The following NCKAP5 variants were observed in gnomAD, a reference collection of about 807,000 sequenced individuals.
NCKAP5 encodes NCK associated protein 5, also known as nck-associated protein 5.
Under a neutral mutation model 167.0 loss-of-function variants are expected in NCKAP5, and 92 were observed. That is an observed-to-expected ratio of 0.55 (90% CI 0.47 to 0.66). The LOEUF is 0.66. Among genes scored for constraint, NCKAP5 ranks in the 30% least tolerant of loss-of-function variants. The pLI is 0.00. For synonymous variants in NCKAP5, 891 were observed against 877.4 expected, an observed-to-expected ratio of 1.02 and a Z score of -0.27; for missense variants, 2,378 against 2,315.0, an observed-to-expected ratio of 1.03 and a Z score of -0.56.
intron 2 of NCKAP5, among the ~76,000 whole-genome samples, chr2:133,540,665 GT>G (rs1212783739): frequency 6.6e-6 from 1 of 152,150 alleles, no homozygotes; most frequent in Non-Finnish European, 1.5e-5. Flanking sequence ...GCCAGGCACA[GT>G]GGCTCATACC....
At chr2:132,818,319 CTT>C (rs1686443859) in intron 11 of NCKAP5, among the ~76,000 whole-genome samples, 1 of 152,184 alleles carries the variant, frequency 6.6e-6, no homozygotes, top group South Asian at 2.1e-4. Context: ...TCTCTACAGA[CTT>C]ATAATTTTTA....
In NCKAP5 at chr2:132,694,103, T is replaced by TTTTTTTTATTTATTTA. The variant is rs1553473342; in HGVS notation, c.5714-20799_5714-20798insTAAATAAATAAAAAAA. Among the ~76,000 whole-genome samples the TTTTTTTTATTTATTTA allele has an allele frequency of 1.5e-3, 214 of 147,032 alleles. 1 individual carries two copies. The highest frequency in any genetic ancestry group is 3.5e-3 in the Middle Eastern group (1 of 284). Reference sequence around the variant, plus strand: ...GGAAAAGGAAGACAAGTTTTAAGTGTTTTATTTATTTATTTATTTATTTAT... The same window carrying TTTTTTTTATTTATTTA: ...GGAAAAGGAAGACAAGTTTTAAGTGTTTTTTTTATTTATTTATTTATTTATTTATTTATTTATTTAT... On this transcript the variant is annotated intron_variant, in intron 19 of 19. Transcript: ENST00000409261.
intron 5 of NCKAP5, among the ~76,000 whole-genome samples, chr2:133,138,496 A>C (rs1206405877): frequency 6.6e-6 from 1 of 152,194 alleles, no homozygotes; most frequent in Admixed American, 6.5e-5. Context: ...TTATATATTG[A>C]TCAACTTCTC....
intron 4 of NCKAP5, among the ~76,000 whole-genome samples, chr2:133,267,046 C>T (rs976468357): frequency 4.6e-5 from 7 of 151,826 alleles, no homozygotes; most frequent in Admixed American, 3.3e-4. Flanking sequence ...CTCAACCGAA[C>T]GGTTCTGACA....
chr2:133,250,867 C>T (rs2088281567), intron 4 of NCKAP5, among the ~76,000 whole-genome samples: 1 of 152,026 alleles, frequency 6.6e-6, no homozygotes, highest in South Asian at 2.1e-4. Context: ...GAGGTTGAGG[C>T]TGCAGTGAGC....
intron 6 of NCKAP5, among the ~76,000 whole-genome samples, chr2:133,102,079 G>A (rs1263163806): frequency 6.6e-6 from 1 of 152,122 alleles, no homozygotes; most frequent in Non-Finnish European, 1.5e-5. Flanking sequence ...GATTATAGGA[G>A]AAAGCATGAG....
At chr2:133,526,295 AGGAG>A (rs1684916565) in intron 2 of NCKAP5, among the ~76,000 whole-genome samples, 2 of 32,320 alleles carry the variant, frequency 6.2e-5, no homozygotes, top group African/African-American at 1.4e-4. Flanking sequence ...GAGGGAGGGA[AGGAG>A]GGAGGGAGGG....
At chr2:133,059,859 A>C (rs1218204066) in intron 6 of NCKAP5, among the ~76,000 whole-genome samples, 2 of 152,192 alleles carry the variant, frequency 1.3e-5, no homozygotes, top group Non-Finnish European at 2.9e-5. Context: ...AGTCTGGAAC[A>C]GAACCTGCAA....
At position 132,920,771 on chromosome 2, in the gene NCKAP5, GTATATATATATATATATATA is replaced by G. The variant is rs55895538; in HGVS notation, c.580-41875_580-41856del. Among the ~76,000 whole-genome samples, 226 of 31,576 alleles carry G rather than the reference GTATATATATATATATATATA, an allele frequency of 7.2e-3. 8 individuals carry two copies. The highest frequency in any genetic ancestry group is 0.022 in the African/African-American group (199 of 9,062). 20.7% of individuals were successfully genotyped at this position (31,576 alleles called of 152,430 possible). On this transcript the variant is annotated intron_variant, in intron 8 of 19. Coordinates refer to ENST00000409261, the MANE Select transcript of NCKAP5 (RefSeq NM_207363.3). ...TATATATATATGTATATATATGTAT[GTATATATATATATATATATA>G]TATATATATATATATATATATATAT...
intron 6 of NCKAP5, among the ~76,000 whole-genome samples, chr2:133,055,931 G>A (rs1269133556): frequency 6.6e-6 from 1 of 152,060 alleles, no homozygotes; most frequent in African/African-American, 2.4e-5. Context: ...TTAATTATGG[G>A]AACAATAAAT....
At chr2:133,176,092 A>C (rs973447280) in intron 5 of NCKAP5, among the ~76,000 whole-genome samples, 4 of 152,220 alleles carry the variant, frequency 2.6e-5, no homozygotes, top group Non-Finnish European at 5.9e-5. Context: ...TGGAGACCGC[A>C]TATCCAGCAT....
At chr2:133,391,542 G>A (rs922067950) in intron 3 of NCKAP5, 2 of 152,202 alleles carry the variant, frequency 1.3e-5, no homozygotes, top group African/African-American at 4.8e-5. Flanking sequence ...TTCCCACTGA[G>A]TCTTCCTTCT....
intron 3 of NCKAP5, among the ~76,000 whole-genome samples, chr2:133,440,379 C>T (rs6724083): frequency 0.43 from 65,758 of 151,840 alleles, 15,252 homozygotes; most frequent in African/African-American, 0.61. Context: ...GCTCCATCCA[C>T]AGTCATTCTG....
At chr2:133,281,638 T>C (rs532133299) in intron 4 of NCKAP5, among the ~76,000 whole-genome samples, 14 of 152,336 alleles carry the variant, frequency 9.2e-5, no homozygotes, top group African/African-American at 3.1e-4. Context: ...AAGAACTATA[T>C]TCTAGGAACT....
At chr2:133,535,895 T>G (rs902554547) in intron 2 of NCKAP5, among the ~76,000 whole-genome samples, 1 of 152,218 alleles carries the variant, frequency 6.6e-6, no homozygotes, top group East Asian at 1.9e-4. Flanking sequence ...TAATTAGAGA[T>G]GTTGAGCATT....
At chr2:133,393,304 C>T (rs763477977) in intron 3 of NCKAP5, among the ~76,000 whole-genome samples, 2 of 152,184 alleles carry the variant, frequency 1.3e-5, no homozygotes, top group Non-Finnish European at 2.9e-5. Flanking sequence ...TCTGCCACTT[C>T]GTTCCAAGTT....
chr2:133,648,521 T>A, the NCKAP5 span, among the ~76,000 whole-genome samples: 22 of 152,162 alleles, frequency 1.4e-4, no homozygotes, highest in Admixed American at 9.8e-4. Flanking sequence ...AAGCATTTCT[T>A]CACTAATTTA....
intron 6 of NCKAP5, among the ~76,000 whole-genome samples, chr2:133,039,900 T>C (rs1260903827): frequency 1.3e-5 from 2 of 152,206 alleles, no homozygotes; most frequent in Non-Finnish European, 2.9e-5. Context: ...CAGTATTACA[T>C]ATTAATGAAC....
chr2:132,955,926 T>C (rs1016121530), intron 8 of NCKAP5, among the ~76,000 whole-genome samples: 4 of 152,192 alleles, frequency 2.6e-5, no homozygotes, highest in African/African-American at 9.7e-5. Context: ...GAGCTTTTTT[T>C]CAAATGTTTG....
Sources: allele counts gnomAD v4.1 joint callset (sites outside exome capture counted in the v4.1 genomes callset), GRCh38; gene constraint gnomAD v4.1.1; transcripts MANE v1.5; gene names NCBI Gene and HGNC (gene_info 2026-07-23, HGNC 2026-07-21).